EPHA3: variants seen among roughly 807,000 people sequenced by gnomAD.
EPHA3 encodes the protein ephrin type-A receptor 3.
Under a neutral mutation model 107.1 loss-of-function variants are expected in EPHA3, and 42 were observed. That is an observed-to-expected ratio of 0.39 (90% CI 0.31 to 0.51). The LOEUF (loss-of-function observed/expected upper bound fraction) is 0.51, where lower values mean the gene tolerates loss of function less well. EPHA3 is among the 20% of genes least tolerant of loss of function. The pLI is 0.78. For synonymous variants in EPHA3, 461 were observed against 424.8 expected, an observed-to-expected ratio of 1.09 and a Z score of -1.05; for missense variants, 1,183 against 1,211.2, an observed-to-expected ratio of 0.98 and a Z score of 0.35.
chr3:89,324,122 C>A (rs1259310080), intron 3 of EPHA3, among the ~76,000 whole-genome samples: 1 of 151,622 alleles, frequency 6.6e-6, no homozygotes, highest in East Asian at 1.9e-4. Context: ...GGAATAGTTC[C>A]CAACTGCTCA....
At chr3:89,220,554 A>C (rs1704348400) in intron 3 of EPHA3, among the ~76,000 whole-genome samples, 2 of 152,306 alleles carry the variant, frequency 1.3e-5, no homozygotes, top group East Asian at 3.9e-4. Context: ...AGAACTCAGA[A>C]TGCGAATGGA....
chr3:89,323,227 A>G (rs905914827), intron 3 of EPHA3, among the ~76,000 whole-genome samples: 2 of 152,126 alleles, frequency 1.3e-5, no homozygotes, highest in Non-Finnish European at 2.9e-5. Context: ...GTGTGTCAAT[A>G]CTTACTAATT....
At chr3:89,457,156 G>A (rs1710113601) in intron 15 of EPHA3, among the ~76,000 whole-genome samples, 1 of 152,140 alleles carries the variant, frequency 6.6e-6, no homozygotes, top group Admixed American at 6.5e-5. Flanking sequence ...AAACAGGCTG[G>A]GGGAACACTA....
chr3:89,419,114 A>C, intron 10 of EPHA3, 91 bp from the exon 11 acceptor site: 1 of 1,317,620 alleles, frequency 7.6e-7, no homozygotes. Flanking sequence ...AATATTTTAA[A>C]TGGAAATTTT....
At chr3:89,334,355 G>A (rs759808757) in intron 3 of EPHA3, among the ~76,000 whole-genome samples, 2 of 152,114 alleles carry the variant, frequency 1.3e-5, no homozygotes, top group Non-Finnish European at 2.9e-5. Flanking sequence ...TTGCCATATG[G>A]CATTTTATAA....
At chr3:89,230,833 C>G (rs1704615046) in intron 3 of EPHA3, among the ~76,000 whole-genome samples, 1 of 146,964 alleles carries the variant, frequency 6.8e-6, no homozygotes, top group African/African-American at 2.7e-5. Flanking sequence ...CTCACACACA[C>G]ACACACACAC....
chr3:89,300,669 G>A (rs1255261220), intron 3 of EPHA3, among the ~76,000 whole-genome samples: 3 of 152,008 alleles, frequency 2.0e-5, no homozygotes, highest in Admixed American at 6.6e-5. Context: ...TTCAGCCTTT[G>A]ATGTCTGACT....
intron 3 of EPHA3, among the ~76,000 whole-genome samples, chr3:89,259,850 C>T (rs1705373325): frequency 6.6e-6 from 1 of 152,136 alleles, no homozygotes; most frequent in Admixed American, 6.5e-5. Context: ...CCCATTCCAC[C>T]CATGAAAACT....
At chr3:89,316,863 C>T (rs1222132604) in intron 3 of EPHA3, among the ~76,000 whole-genome samples, 1 of 151,580 alleles carries the variant, frequency 6.6e-6, no homozygotes, top group Non-Finnish European at 1.5e-5. Flanking sequence ...GTATCAGACA[C>T]TTTATGAATG....
chr3:89,437,856 C>T (rs915249351), intron 13 of EPHA3, among the ~76,000 whole-genome samples: 1 of 152,140 alleles, frequency 6.6e-6, no homozygotes, highest in Non-Finnish European at 1.5e-5. Context: ...ATAATTACCA[C>T]ATAAACTGAG....
At chr3:89,357,250 T>C (rs1322335577) in intron 5 of EPHA3, among the ~76,000 whole-genome samples, 1 of 147,284 alleles carries the variant, frequency 6.8e-6, no homozygotes, top group East Asian at 2.0e-4. Flanking sequence ...GTTAGAAGAA[T>C]ACACTTTACC....
At chr3:89,285,933 T>C (rs1223522100) in intron 3 of EPHA3, among the ~76,000 whole-genome samples, 1 of 152,096 alleles carries the variant, frequency 6.6e-6, no homozygotes, top group Non-Finnish European at 1.5e-5. Context: ...GTTGGTCAAC[T>C]GGAAGCAGGT....
At chr3:89,224,710 G>A (rs1704459454) in intron 3 of EPHA3, among the ~76,000 whole-genome samples, 3 of 151,918 alleles carry the variant, frequency 2.0e-5, no homozygotes, top group Non-Finnish European at 4.4e-5. Context: ...TTAGCTGGGA[G>A]TGGTGTCATG....
chr3:89,344,792 G>C (rs1466512878), intron 5 of EPHA3, among the ~76,000 whole-genome samples: 1 of 152,066 alleles, frequency 6.6e-6, no homozygotes, highest in Non-Finnish European at 1.5e-5. Flanking sequence ...TTCTTCTCTT[G>C]ATGACATTGT....
At chr3:89,228,754 T>A (rs750092822) in intron 3 of EPHA3, among the ~76,000 whole-genome samples, 19 of 151,892 alleles carry the variant, frequency 1.3e-4, no homozygotes, top group Non-Finnish European at 2.4e-4. Flanking sequence ...TGTAAGGACG[T>A]ATGAATGGAA....
chr3:89,369,915 A>G (rs1708260079), intron 5 of EPHA3, among the ~76,000 whole-genome samples: 1 of 150,862 alleles, frequency 6.6e-6, no homozygotes, highest in Non-Finnish European at 1.5e-5. Context: ...AATGCTCACC[A>G]TCACTGGCCA....
intron 2 of EPHA3, among the ~76,000 whole-genome samples, chr3:89,158,013 C>T (rs902599803): frequency 2.0e-5 from 3 of 152,004 alleles, no homozygotes; most frequent in South Asian, 2.1e-4. Context: ...TTGAAAGAGC[C>T]TACCATTGCT....
intron 5 of EPHA3, among the ~76,000 whole-genome samples, chr3:89,370,892 C>A (rs1471142640): frequency 6.6e-6 from 1 of 151,508 alleles, no homozygotes; most frequent in Non-Finnish European, 1.5e-5. Context: ...TGAAATAAAA[C>A]AGTACAGTAG....
chr3:89,226,533 G>A (rs1007889010), intron 3 of EPHA3, among the ~76,000 whole-genome samples: 8 of 152,212 alleles, frequency 5.3e-5, no homozygotes, highest in Non-Finnish European at 8.8e-5. Context: ...TGTACAATTT[G>A]TCATAACATA....
Sources: gnomAD v4.1 joint callset for allele counts (sites outside exome capture counted in the v4.1 genomes callset) on GRCh38, gnomAD v4.1.1 for gene constraint, MANE v1.5 for transcripts, NCBI Gene and HGNC (gene_info 2026-07-23, HGNC 2026-07-21) for gene names.